The following ORC5 variants were observed in gnomAD, a reference collection of about 807,000 sequenced individuals.
ORC5 encodes protein phosphatase 1, regulatory subunit 117.
Under a neutral mutation model 58.8 loss-of-function variants are expected in ORC5, and 39 were observed. The observed-to-expected ratio is 0.66, with a 90% CI of 0.51 to 0.87. The LOEUF is 0.87. Among genes scored for constraint, ORC5 ranks in the 40% least tolerant of loss-of-function variants. The pLI is 0.00. For synonymous variants in ORC5, 218 were observed against 177.6 expected, an observed-to-expected ratio of 1.23 and a Z score of -1.81; for missense variants, 493 against 506.3, an observed-to-expected ratio of 0.97 and a Z score of 0.25.
In ORC5 at chr7:104,143,283, A is replaced by C. The variant is rs563630409; in HGVS notation, c.1150-6390T>G. Among the ~76,000 whole-genome samples the C allele has an allele frequency of 2.0e-5, 3 of 152,330 alleles. No individual in the cohort carries two copies. The Middle Eastern group carries it at 0.01, about 518-fold the overall frequency. ...CTCACATATTTAGATTCTTTAATCG[A>C]AATTGTATGCTAAATTACTTTTTCC... On this transcript the variant is annotated intron_variant, in intron 12 of 13. Coordinates refer to ENST00000297431, the MANE Select transcript of ORC5 (RefSeq NM_002553.4).
intron 5 of ORC5, among the ~76,000 whole-genome samples, chr7:104,191,554 C>T (rs1256176696): frequency 2.0e-5 from 3 of 151,996 alleles, no homozygotes; most frequent in South Asian, 4.2e-4. Context: ...TATCACCGGC[C>T]GATTTCAGCC....
chr7:104,207,642 A>G (rs1454076791), intron 1 of ORC5, among the ~76,000 whole-genome samples, 191 bp downstream of exon 1: 1 of 152,226 alleles, frequency 6.6e-6, no homozygotes, highest in Non-Finnish European at 1.5e-5. Flanking sequence ...GGTCGCTCTC[A>G]GACTGTCTCC....
intron 5 of ORC5, 74 bp from the exon 6 acceptor site, chr7:104,188,455 A>T (rs1799599190): frequency 6.0e-6 from 7 of 1,162,156 alleles, no homozygotes; most frequent in Non-Finnish European, 8.4e-6. Flanking sequence ...ATTTTATAAC[A>T]AAGGTATTAA....
At chr7:104,135,862 T>G (rs930505870) in intron 13 of ORC5, among the ~76,000 whole-genome samples, 34 of 152,174 alleles carry the variant, frequency 2.2e-4, no homozygotes, top group African/African-American at 8.2e-4. Flanking sequence ...ATCTTCATAT[T>G]GAAAAAGATT....
Position 104,187,995 on chromosome 7 carries a change from G to C in ORC5, c.684+256C>G, listed in dbSNP as rs1297904119. On this transcript the variant is annotated intron_variant, in intron 6 of 13. Transcript: ENST00000297431. The stretch of plus-strand genomic sequence containing the variant: ...GCAATTAGAGAAAAAACAAGGAAGA[G>C]TAAGAAGATCTGAGAATGACATTTT... 3 of 1,074,748 alleles carry C rather than the reference G, an allele frequency of 2.8e-6. No individual in the cohort carries two copies. The East Asian group carries it at 1.7e-4, about 63-fold the overall frequency. 66.6% of individuals were successfully genotyped at this position (1,074,748 alleles called of 1,614,324 possible).
chr7:104,146,766 C>G (rs1798759035), intron 12 of ORC5, among the ~76,000 whole-genome samples: 1 of 152,098 alleles, frequency 6.6e-6, no homozygotes, highest in South Asian at 2.1e-4. Context: ...GATAAAATTT[C>G]ATATAACCAA....
At chr7:104,179,584 A>AATTCT (rs1204680639) in intron 8 of ORC5, among the ~76,000 whole-genome samples, 6 of 148,492 alleles carry the variant, frequency 4.0e-5, no homozygotes, top group African/African-American at 1.2e-4. Flanking sequence ...TAAAAATTAG[A>AATTCT]GGTTTTCACT....
intron 11 of ORC5, among the ~76,000 whole-genome samples, chr7:104,163,922 A>C (rs1486588733): frequency 1.3e-5 from 2 of 152,214 alleles, no homozygotes; most frequent in East Asian, 3.9e-4. Context: ...TATCTCCAGC[A>C]CTTGAAATCA....
intron 12 of ORC5, among the ~76,000 whole-genome samples, chr7:104,145,338 T>C (rs1376957146): frequency 1.3e-5 from 2 of 151,586 alleles, no homozygotes; most frequent in Non-Finnish European, 2.9e-5. Context: ...CAGGGGGAGA[T>C]TTACACAAAG....
rs185550733 is a variant in ORC5 at position 104,127,008 on chromosome 7, T to A, written c.1263-115A>T. 982 of 615,108 alleles carry A rather than the reference T, an allele frequency of 1.6e-3. 1 individual carries two copies. Among genetic ancestry groups the A allele is most frequent in the Non-Finnish European group, 2.1e-3 (719 of 348,448 alleles). 38.1% of individuals were successfully genotyped at this position (615,108 alleles called of 1,614,324 possible). A position where few individuals can be genotyped will look rare whatever the true frequency, so the allele number is the denominator to read the frequency against. ...ATGACTAATGCTAAAAATCCTATAG[T>A]GCTATCAAATGCACCCTGATAGGAC... On this transcript the variant is annotated intron_variant, in intron 13 of 13. Coordinates refer to ENST00000297431, the MANE Select transcript of ORC5 (RefSeq NM_002553.4).
chr7:104,144,848 T>C (rs1798730483), intron 12 of ORC5, among the ~76,000 whole-genome samples: 1 of 152,196 alleles, frequency 6.6e-6, no homozygotes, highest in Admixed American at 6.5e-5. Flanking sequence ...AACTCAGATC[T>C]CCAGGCTAGT....
At chr7:104,185,266 T>A (rs1267873171) in intron 6 of ORC5, among the ~76,000 whole-genome samples, 1 of 152,088 alleles carries the variant, frequency 6.6e-6, no homozygotes, top group Non-Finnish European at 1.5e-5. Flanking sequence ...TAAATTAAAA[T>A]TAAAAAATAA....
rs1212795382 is a variant in ORC5, at chr7:104,166,857, A to G, written c.905T>C (p.Leu302Pro). The G allele has an allele frequency of 6.2e-7, 1 of 1,610,524 alleles. No individual in the cohort carries two copies. The highest frequency in any genetic ancestry group is 8.5e-7 in the Non-Finnish European group (1 of 1,177,066). The change falls in exon 10 of 14, where the codon CTT (leucine) becomes CCT (proline). Residue 302 changes from leucine to proline, a missense_variant. Physicochemically the swap from Leu to Pro is moderately conservative, Grantham distance 98. Coordinates refer to ENST00000297431, the MANE Select transcript of ORC5 (RefSeq NM_002553.4). ...TAGAATGAACTTAGAGTAATATGGA[A>G]GTTCCACATGAGTATGCGCTGAGAG... ...KGLSAHTHVE[L>P]PYYSKFILIA...
At chr7:104,144,822 T>C (rs994178193) in intron 12 of ORC5, among the ~76,000 whole-genome samples, 1 of 152,236 alleles carries the variant, frequency 6.6e-6, no homozygotes, top group Non-Finnish European at 1.5e-5. Context: ...CCACTTTAAA[T>C]GTTCATGACA....
intron 8 of ORC5, among the ~76,000 whole-genome samples, chr7:104,182,703 TG>T (rs1799459906): frequency 6.6e-6 from 1 of 152,182 alleles, no homozygotes; most frequent in Non-Finnish European, 1.5e-5. Flanking sequence ...TAACTCTCTG[TG>T]GTCATTTGAT....
At position 104,204,201 on chromosome 7, in the gene ORC5, A is replaced by T. The variant is rs778030661; in HGVS notation, c.106T>A (p.Tyr36Asn). 1.4e-5 allele frequency: 23 copies of T among 1,602,244 alleles called. No individual in the cohort carries two copies. In the East Asian group the frequency reaches 5.2e-4, roughly 36 times the overall value. Residue 36 changes from tyrosine (Y) to asparagine (N), a missense_variant, in exon 2 of 14, where the codon TAT becomes AAT. Around this residue, in one of 3 missense-constraint regions of ORC5, gnomAD observed 412 missense variants for 403.7 expected, o/e 1.02. Transcript: ENST00000297431. The part of the protein sequence containing the change: ...HHFSFPSIFI[Y>N]GHTASGKTYV... ...GTCTTTCCACTAGCAGTATGTCCAT[A>T]AATAAAAATGGATGGAAAGCTGAAA...
chr7:104,194,843 A>G (rs1201734363), intron 5 of ORC5, among the ~76,000 whole-genome samples: 9 of 151,822 alleles, frequency 5.9e-5, no homozygotes, highest in Admixed American at 5.9e-4. Context: ...TAATTATACA[A>G]TAACCTCTCA....
chr7:104,155,831 T>G (rs1179311851), intron 12 of ORC5, among the ~76,000 whole-genome samples: 1 of 151,482 alleles, frequency 6.6e-6, no homozygotes, highest in East Asian at 1.9e-4. Context: ...AGAGGAGACA[T>G]AGAACTATAA....
At chr7:104,155,533 T>C (rs1798910881) in intron 12 of ORC5, among the ~76,000 whole-genome samples, 1 of 151,430 alleles carries the variant, frequency 6.6e-6, no homozygotes, top group Non-Finnish European at 1.5e-5. Flanking sequence ...ACCTTTTAAA[T>C]GGCAGAATTA....
Sources: allele counts gnomAD v4.1 joint callset (sites outside exome capture counted in the v4.1 genomes callset), GRCh38; gene constraint gnomAD v4.1.1; regional missense constraint gnomAD v4.1.1; transcripts MANE v1.5; gene names NCBI Gene and HGNC (gene_info 2026-07-23, HGNC 2026-07-21).